The following PTPRZ1 variants were observed in gnomAD, a reference collection of about 807,000 sequenced individuals.
PTPRZ1 encodes the protein receptor-type tyrosine-protein phosphatase zeta.
In PTPRZ1, 82 loss-of-function variants were observed where a neutral mutation model predicts 214.1. The observed-to-expected ratio is 0.38, with a 90% confidence interval of 0.32 to 0.46. PTPRZ1 has a LOEUF of 0.46. PTPRZ1 is among the 20% of genes least tolerant of loss of function. The pLI is 1.00. For synonymous variants in PTPRZ1, 945 were observed against 987.9 expected, an observed-to-expected ratio of 0.96 and a Z score of 0.81; for missense variants, 2,603 against 2,748.7, an observed-to-expected ratio of 0.95 and a Z score of 1.19.
chr7:121,997,590 T>C (rs939600312), intron 9 of PTPRZ1, among the ~76,000 whole-genome samples: 2 of 151,942 alleles, frequency 1.3e-5, no homozygotes, highest in Non-Finnish European at 2.9e-5. Context: ...ATTTTTAGTT[T>C]GTAGTACTAA....
chr7:121,880,231 T>A (rs1794196586), intron 1 of PTPRZ1, among the ~76,000 whole-genome samples: 1 of 152,226 alleles, frequency 6.6e-6, no homozygotes, highest in Non-Finnish European at 1.5e-5. Flanking sequence ...GTTTTTGGCC[T>A]TATTCAATAA....
chr7:121,913,822 T>A (rs1399608817), intron 1 of PTPRZ1, among the ~76,000 whole-genome samples: 12 of 152,066 alleles, frequency 7.9e-5, no homozygotes, highest in Admixed American at 7.2e-4. Flanking sequence ...ACCAAAAGAA[T>A]TCTCAACTTA....
At chr7:122,031,794 G>T in intron 15 of PTPRZ1, 1 of 254,528 alleles carries the variant, frequency 3.9e-6, no homozygotes, top group East Asian at 7.1e-5. Flanking sequence ...AAAAAACATT[G>T]TTCATTTTCT....
intron 4 of PTPRZ1, among the ~76,000 whole-genome samples, chr7:121,973,778 A>G (rs1797332433): frequency 6.6e-6 from 1 of 152,006 alleles, no homozygotes; most frequent in Non-Finnish European, 1.5e-5. Context: ...TACTAAAAAC[A>G]CAAAAATTAG....
chr7:122,037,618 G>A (rs1458181265), intron 18 of PTPRZ1, among the ~76,000 whole-genome samples: 2 of 152,142 alleles, frequency 1.3e-5, no homozygotes, highest in Non-Finnish European at 2.9e-5. Context: ...GTGGAATACT[G>A]AATTCAAATA....
intron 1 of PTPRZ1, among the ~76,000 whole-genome samples, chr7:121,919,927 A>G (rs949954046): frequency 2.6e-5 from 4 of 152,144 alleles, no homozygotes; most frequent in African/African-American, 9.6e-5. Flanking sequence ...TTTCAAAAAA[A>G]TTCTCCAGTT....
intron 1 of PTPRZ1, among the ~76,000 whole-genome samples, chr7:121,886,252 A>G (rs764031673): frequency 2.6e-5 from 4 of 152,158 alleles, no homozygotes; most frequent in African/African-American, 7.2e-5. Context: ...GAAAATATTA[A>G]TATGTGCACA....
intron 1 of PTPRZ1, among the ~76,000 whole-genome samples, chr7:121,924,329 C>T (rs1584643586): frequency 6.6e-6 from 1 of 151,992 alleles, no homozygotes; most frequent in Non-Finnish European, 1.5e-5. Flanking sequence ...AAAAAGTGAA[C>T]CCAGCTTCTT....
chr7:122,034,247 G>A, intron 16 of PTPRZ1, 35 bp from the exon 17 acceptor site: 1 of 1,589,740 alleles, frequency 6.3e-7, no homozygotes, highest in Non-Finnish European at 8.6e-7. Flanking sequence ...TTGAAAGAAT[G>A]TGTGTTAAAA....
intron 2 of PTPRZ1, among the ~76,000 whole-genome samples, chr7:121,963,667 C>T (rs1796948737): frequency 1.3e-5 from 2 of 152,010 alleles, no homozygotes; most frequent in Non-Finnish European, 2.9e-5. Flanking sequence ...CAGGTAAAAT[C>T]AAAATATGCA....
intron 9 of PTPRZ1, among the ~76,000 whole-genome samples, chr7:121,997,311 C>T (rs1254519968): frequency 6.6e-6 from 1 of 152,064 alleles, no homozygotes; most frequent in Non-Finnish European, 1.5e-5. Flanking sequence ...TAAAAATGCA[C>T]TATTAATTAT....
chr7:121,974,704 G>A (rs974936527), intron 4 of PTPRZ1, among the ~76,000 whole-genome samples: 3 of 152,020 alleles, frequency 2.0e-5, no homozygotes, highest in East Asian at 1.9e-4. Context: ...TGGCCAGGCT[G>A]GTCTTGAACT....
chr7:121,920,492 T>C (rs1795564432), intron 1 of PTPRZ1, among the ~76,000 whole-genome samples: 1 of 152,178 alleles, frequency 6.6e-6, no homozygotes, highest in Non-Finnish European at 1.5e-5. Flanking sequence ...GTTATTTGTA[T>C]ATACGTTGAT....
At position 121,997,908 on chromosome 7, in the gene PTPRZ1, A is replaced by C; in HGVS notation, c.1142A>C (p.Asn381Thr). ...LGAILNNLLP[N>T]MSYVLQIVAI... Reference sequence around the variant, plus strand: ...GCTATTCTCAATAATTTGCTACCCAATATGAGTTATGTTCTTCAGATAGTA... The same window carrying C: ...GCTATTCTCAATAATTTGCTACCCACTATGAGTTATGTTCTTCAGATAGTA... Residue 381 changes from asparagine (N) to threonine (T), a missense_variant, in exon 10 of 30, where the codon AAT becomes ACT. Physicochemically the swap from Asn to Thr is moderately conservative, Grantham distance 65. Coordinates refer to ENST00000393386, the MANE Select transcript of PTPRZ1 (RefSeq NM_002851.3). 1 of 1,609,892 alleles carries C rather than the reference A, an allele frequency of 6.2e-7. No homozygotes were observed. Among genetic ancestry groups the C allele is most frequent in the Non-Finnish European group, 8.5e-7 (1 of 1,176,746 alleles).
intron 3 of PTPRZ1, 115 bp downstream of exon 3, chr7:121,968,245 C>T (rs1797103918): frequency 1.2e-6 from 1 of 847,298 alleles, no homozygotes; most frequent in Admixed American, 3.4e-5. Context: ...ATAGAAGTTA[C>T]ATGTAGAAGA....
In PTPRZ1 at chr7:122,011,848, G is replaced by A. The variant is rs148162051; in HGVS notation, c.2802G>A (p.Glu934=). 6.2e-7 allele frequency: 1 copy of A among 1,613,740 alleles called. No homozygotes were observed. Among genetic ancestry groups the A allele is most frequent in the Non-Finnish European group, 8.5e-7 (1 of 1,179,698 alleles). Residue 934 remains glutamate, a synonymous_variant, in exon 12 of 30, where the codon GAG becomes GAA. Coordinates refer to ENST00000393386, the MANE Select transcript of PTPRZ1 (RefSeq NM_002851.3). ...CTTCTTATGCCTTGTCTGATAATGA[G>A]GGCTCCCAACACATCTTCACTGTTT... The part of the protein sequence containing the change: ...PEPSYALSDN[E]GSQHIFTVSY...
chr7:121,935,552 GTTTGTTTGT>G (rs1796060792), intron 2 of PTPRZ1, among the ~76,000 whole-genome samples: 2 of 63,180 alleles, frequency 3.2e-5, no homozygotes, highest in African/African-American at 2.1e-4. Context: ...TTTTTTGTTT[GTTTGTTTGT>G]TTGTTTGTTT....
At chr7:121,923,522 G>A (rs1795663354) in intron 1 of PTPRZ1, among the ~76,000 whole-genome samples, 1 of 152,104 alleles carries the variant, frequency 6.6e-6, no homozygotes, top group Non-Finnish European at 1.5e-5. Context: ...GTTTGTGTGT[G>A]TATTTTGTCA....
chr7:121,971,110 T>G (rs886774003), intron 3 of PTPRZ1, among the ~76,000 whole-genome samples: 8 of 152,182 alleles, frequency 5.3e-5, no homozygotes, highest in African/African-American at 1.9e-4. Context: ...ATCAGATAGC[T>G]GTAGATGTGT....
Sources: gnomAD v4.1 joint callset for allele counts (sites outside exome capture counted in the v4.1 genomes callset) on GRCh38, gnomAD v4.1.1 for gene constraint, MANE v1.5 for transcripts, NCBI Gene and HGNC (gene_info 2026-07-23, HGNC 2026-07-21) for gene names.